LSG1: variants seen among roughly 807,000 people sequenced by gnomAD.
LSG1 encodes large 60S subunit nuclear export GTPase 1.
A neutral mutation model predicts 82.6 loss-of-function variants in LSG1; 55 were observed. The ratio of observed to expected loss-of-function variants is 0.67; its 90% CI spans 0.54 to 0.83. The LOEUF (loss-of-function observed/expected upper bound fraction) is 0.83. LSG1 is among the 40% of genes least tolerant of loss of function. The pLI is 0.00. For synonymous variants in LSG1, 272 were observed against 282.5 expected (o/e 0.96, Z 0.37); for missense variants, 809 against 807.9 (o/e 1.00, Z -0.02).
rs1261538555 is a variant in LSG1 at position 194,642,369 on chromosome 3, C to T, written c.1798-122G>A. 4.3e-6 allele frequency: 3 copies of T among 691,528 alleles called. No individual in the cohort carries two copies. In the African/African-American group the frequency reaches 5.6e-5, roughly 13 times the overall value. 42.8% of individuals were successfully genotyped at this position (691,528 alleles called of 1,614,324 possible). The stretch of plus-strand genomic sequence containing the variant: ...AGTCAGTCACTGGGTGAACTTCCGC[C>T]CCCCTCCCCTTCACTGGTCCTCTTT... On this transcript the variant is annotated intron_variant, in intron 13 of 13. Transcript: ENST00000265245.
At chr3:194,646,368 T>C in intron 11 of LSG1, 125 bp from the exon 12 acceptor site, 1 of 664,816 alleles carries the variant, frequency 1.5e-6, no homozygotes. Context: ...TAGGTATCAT[T>C]GTAGAATATA....
At chr3:194,645,968 T>C (rs1307206795) in intron 12 of LSG1, among the ~76,000 whole-genome samples, 196 bp downstream of exon 12, 3 of 152,248 alleles carry the variant, frequency 2.0e-5, no homozygotes, top group African/African-American at 4.8e-5. Context: ...TTTTCACTCA[T>C]AATAGGTGTT....
intron 7 of LSG1, among the ~76,000 whole-genome samples, chr3:194,654,186 C>T (rs1718745631): frequency 6.6e-6 from 1 of 152,136 alleles, no homozygotes; most frequent in Non-Finnish European, 1.5e-5. Flanking sequence ...ACACACAGAT[C>T]CCTGTGTGTG....
chr3:194,672,103 C>T lies in LSG1; in HGVS notation c.60G>A (p.Gln20=), dbSNP rs1719158923. 3 of 1,610,552 alleles carry T rather than the reference C, an allele frequency of 1.9e-6. No individual in the cohort carries two copies. The highest frequency in any genetic ancestry group is 1.7e-5 in the Admixed American group (1 of 60,004). Reference sequence around the variant, plus strand: ...GACGATGGCTTCGGCTCCGCTGAGTCTGATGGCGCATAAGGGCCCGTCCCA... The same window carrying T: ...GACGATGGCTTCGGCTCCGCTGAGTTTGATGGCGCATAAGGGCCCGTCCCA... ...GSLGRALMRH[Q]TQRSRSHRHT... is the part of the protein sequence containing the mutation. Residue 20 remains glutamine (Q), a synonymous_variant, in exon 1 of 14, where the codon CAG becomes CAA. Transcript: ENST00000265245.
intron 7 of LSG1, among the ~76,000 whole-genome samples, chr3:194,656,748 C>T (rs555273550): frequency 6.6e-5 from 10 of 151,972 alleles, no homozygotes; most frequent in African/African-American, 1.2e-4. Flanking sequence ...GGAAACAACC[C>T]AAATGTCCAA....
rs140688957 is a variant in LSG1, at chr3:194,658,057, G to C, written c.759+900C>G. Among the ~76,000 whole-genome samples, 410 of 152,280 alleles carry C rather than the reference G, an allele frequency of 2.7e-3. 2 individuals carry two copies. The highest frequency in any genetic ancestry group is 9.6e-3 in the African/African-American group (397 of 41,570). ...ACGGTCAACAGATGCCTGATAAACA[G>C]AGACGGGAGAAAAGGACAGGGAAAA... On this transcript the variant is annotated intron_variant, in intron 7 of 13. Coordinates refer to ENST00000265245, the MANE Select transcript of LSG1 (RefSeq NM_018385.3).
In LSG1 at chr3:194,644,592, T is replaced by C; in HGVS notation, c.1778A>G (p.Asp593Gly). The C allele has an allele frequency of 1.2e-6, 2 of 1,610,746 alleles. No individual in the cohort carries two copies. The highest frequency in any genetic ancestry group is 2.2e-5 in the East Asian group (1 of 44,858). Residue 593 changes from aspartate (D) to glycine (G), a missense_variant, in exon 13 of 14, where the codon GAC becomes GGC. By Grantham distance (94) the Asp-to-Gly change is moderately conservative. Transcript: ENST00000265245. ...ACTTACTTGATGGAAAAAAGTTTTG[T>C]CAACGATATTTTCAATCTGCTTTGC... ...KKAKQIENIV[D>G]KTFFHQENVR...
intron 11 of LSG1, among the ~76,000 whole-genome samples, chr3:194,647,845 T>C (rs1718585085): frequency 6.6e-6 from 1 of 152,080 alleles, no homozygotes; most frequent in African/African-American, 2.4e-5. Flanking sequence ...GAGGTGATCT[T>C]TAAGGTCTTT....
intron 8 of LSG1, among the ~76,000 whole-genome samples, chr3:194,652,470 A>G (rs1718694653): frequency 6.6e-6 from 1 of 152,198 alleles, no homozygotes; most frequent in African/African-American, 2.4e-5. Flanking sequence ...CACGGCAGGA[A>G]AAGCTGAACT....
chr3:194,661,970 G>A (rs1718940253), intron 5 of LSG1, among the ~76,000 whole-genome samples: 2 of 152,234 alleles, frequency 1.3e-5, no homozygotes, highest in African/African-American at 4.8e-5. Flanking sequence ...GAACACAGAT[G>A]GTTACCTCTG....
rs998650612 is a variant in LSG1 at position 194,665,652 on chromosome 3, TG to T, written c.435-10del. The T allele has an allele frequency of 3.2e-6, 5 of 1,569,808 alleles. No individual in the cohort carries two copies. The African/African-American group carries it at 4.1e-5, about 13-fold the overall frequency. On this transcript the variant is annotated splice_polypyrimidine_tract_variant and intron_variant, in intron 4 of 13. Coordinates refer to ENST00000265245, the MANE Select transcript of LSG1 (RefSeq NM_018385.3). ...TCTGTTCCTCTTCTAGCCTAGTTTTTGAATGAGAAGTTTATATATTTGCCAG... is the reference window on the plus strand; with the variant it reads ...TCTGTTCCTCTTCTAGCCTAGTTTTTAATGAGAAGTTTATATATTTGCCAG...
intron 7 of LSG1, among the ~76,000 whole-genome samples, chr3:194,656,426 T>G (rs1490192731): frequency 6.6e-6 from 1 of 152,140 alleles, no homozygotes; most frequent in African/African-American, 2.4e-5. Flanking sequence ...ATCAGAGACA[T>G]GCAAATCAAA....
At position 194,670,002 on chromosome 3, in the gene LSG1, A is replaced by T; in HGVS notation, c.226+7T>A. On this transcript the variant is annotated splice_region_variant and intron_variant, in intron 2 of 13. Transcript: ENST00000265245. ...GTCTCACCTGCACTCAGCAATAAAC[A>T]ACTTACCAGCTACAAACTCTGTTCC... 1 of 1,613,454 alleles carries T rather than the reference A, an allele frequency of 6.2e-7. No homozygotes were observed. Among genetic ancestry groups the T allele is most frequent in the Non-Finnish European group, 8.5e-7 (1 of 1,179,658 alleles).
Position 194,656,540 on chromosome 3 carries a change from A to T in LSG1, c.759+2417T>A, listed in dbSNP as rs542590059. ...TGTGGAGAAATAGGAAAACTTTTAC[A>T]CTGTTGGTGGGACTGTAAACTAGTT... On this transcript the variant is annotated intron_variant, in intron 7 of 13. Transcript: ENST00000265245. 1.4e-3 allele frequency among the ~76,000 whole-genome samples: 213 copies of T among 152,222 alleles called. No individual in the cohort carries two copies. In the Middle Eastern group the frequency reaches 0.041, roughly 29 times the overall value.
chr3:194,664,253 C>T (rs1354079031), intron 5 of LSG1, among the ~76,000 whole-genome samples: 2 of 152,108 alleles, frequency 1.3e-5, no homozygotes, highest in Non-Finnish European at 2.9e-5. Flanking sequence ...GCGCTGGGCC[C>T]TGTTTTCTTA....
intron 2 of LSG1, among the ~76,000 whole-genome samples, chr3:194,668,189 C>T (rs1040480348): frequency 3.3e-5 from 5 of 151,924 alleles, no homozygotes; most frequent in Admixed American, 6.6e-5. Context: ...CTCTTTAGGA[C>T]TTTTTGGTGT....
chr3:194,645,601 C>CACACACACACACACACACAGACAG (rs1718533257), intron 12 of LSG1, among the ~76,000 whole-genome samples: 1 of 127,302 alleles, frequency 7.9e-6, no homozygotes, highest in African/African-American at 3.0e-5. Context: ...CACACACACA[C>CACACACACACACACACACAGACAG]ACACACACAC....
At chr3:194,664,520 T>C (rs1718993210) in intron 5 of LSG1, among the ~76,000 whole-genome samples, 1 of 152,152 alleles carries the variant, frequency 6.6e-6, no homozygotes, top group African/African-American at 2.4e-5. Context: ...CATCAACTTC[T>C]AACAATCAGG....
chr3:194,652,524 C>T (rs554255577), intron 8 of LSG1, among the ~76,000 whole-genome samples: 2 of 152,308 alleles, frequency 1.3e-5, no homozygotes, highest in South Asian at 4.1e-4. Context: ...AGGTATGTTA[C>T]CAACACAGGC....
Sources: allele counts gnomAD v4.1 joint callset (sites outside exome capture counted in the v4.1 genomes callset), GRCh38; gene constraint gnomAD v4.1.1; transcripts MANE v1.5; gene names NCBI Gene and HGNC (gene_info 2026-07-23, HGNC 2026-07-21).